Variants in CCDC102B observed in about 807,000 individuals in gnomAD.
The protein encoded by CCDC102B is coiled-coil domain containing 102B, also known as coiled-coil domain-containing protein 102B.
A neutral mutation model predicts 57.4 loss-of-function variants in CCDC102B; 75 were observed. The ratio of observed to expected loss-of-function variants is 1.31; its 90% CI spans 1.08 to 1.58. The LOEUF is 1.58. Ranked by LOEUF, CCDC102B falls within the 40% of genes most tolerant of loss-of-function variation. The pLI, the probability that CCDC102B is intolerant of heterozygous loss-of-function variation, is 0.00. For synonymous variants in CCDC102B, 206 were observed against 201.9 expected (o/e 1.02, Z -0.17); for missense variants, 636 against 582.6 (o/e 1.09, Z -0.94).
intron 6 of CCDC102B, among the ~76,000 whole-genome samples, chr18:68,965,843 A>G (rs2050153931): frequency 6.6e-6 from 1 of 152,032 alleles, no homozygotes; most frequent in African/African-American, 2.4e-5. Flanking sequence ...TAAAAGCTGG[A>G]TTTTTCTGAC....
intron 4 of CCDC102B, among the ~76,000 whole-genome samples, chr18:68,862,746 A>T (rs973644008): frequency 6.6e-6 from 1 of 152,124 alleles, no homozygotes; most frequent in South Asian, 2.1e-4. Flanking sequence ...CTACTCTCCA[A>T]GTATGCCTAT....
At chr18:68,994,222 A>G (rs1211774382) in intron 6 of CCDC102B, among the ~76,000 whole-genome samples, 1 of 152,120 alleles carries the variant, frequency 6.6e-6, no homozygotes, top group Admixed American at 6.5e-5. Context: ...AATTTCTTGA[A>G]TTTGTTGATA....
Position 69,054,852 on chromosome 18 carries a change from C to G in CCDC102B, c.*715C>G. The G allele has an allele frequency of 1.0e-6, 1 of 985,266 alleles. No homozygotes were observed. The highest frequency in any genetic ancestry group is 1.2e-6 in the Non-Finnish European group (1 of 829,890). The allele number at this position is 985,266 out of a possible 1,614,324, so 61.0% of individuals were successfully genotyped here. A position where few individuals can be genotyped will look rare whatever the true frequency, so the allele number is the denominator to read the frequency against. ...AGGCATCAGCATTGCAAAGTAGCAT[C>G]TAGGTAGAAATCAGGCCAAAATTAA... On this transcript the variant is annotated 3_prime_UTR_variant, in exon 8 of 8. Transcript: ENST00000360242.
chr18:68,998,762 G>A (rs998305889), intron 6 of CCDC102B, among the ~76,000 whole-genome samples: 1 of 151,726 alleles, frequency 6.6e-6, no homozygotes, highest in African/African-American at 2.4e-5. Flanking sequence ...GTCTTTCCAT[G>A]CTCCTCTGCC....
intron 2 of CCDC102B, among the ~76,000 whole-genome samples, chr18:68,785,879 T>G (rs1425179549): frequency 6.6e-6 from 1 of 150,530 alleles, no homozygotes; most frequent in Non-Finnish European, 1.5e-5. Flanking sequence ...TTGCTTTTGG[T>G]GTTTTAGACA....
intron 2 of CCDC102B, among the ~76,000 whole-genome samples, chr18:68,717,287 G>T (rs1170480736): frequency 6.6e-6 from 1 of 152,130 alleles, no homozygotes; most frequent in Non-Finnish European, 1.5e-5. Context: ...AATTAGAGAC[G>T]TTGTAATGAG....
intron 1 of CCDC102B, among the ~76,000 whole-genome samples, chr18:68,813,883 C>A (rs2036373738): frequency 6.6e-6 from 1 of 151,198 alleles, no homozygotes; most frequent in Non-Finnish European, 1.5e-5. Context: ...AGTATTTGGA[C>A]TAAAGTGGAT....
chr18:68,902,712 T>G (rs934569717), intron 6 of CCDC102B, among the ~76,000 whole-genome samples: 1 of 152,174 alleles, frequency 6.6e-6, no homozygotes, highest in Non-Finnish European at 1.5e-5. Flanking sequence ...TCTTCTCTGG[T>G]CTCATTTGTT....
At chr18:68,773,235 T>G (rs557580522) in intron 2 of CCDC102B, among the ~76,000 whole-genome samples, 1 of 152,092 alleles carries the variant, frequency 6.6e-6, no homozygotes, top group Non-Finnish European at 1.5e-5. Context: ...TGTCAACAGC[T>G]GTAAATAATT....
chr18:68,887,163 C>G (rs2039917883), intron 5 of CCDC102B, among the ~76,000 whole-genome samples: 1 of 152,094 alleles, frequency 6.6e-6, no homozygotes, highest in Admixed American at 6.6e-5. Flanking sequence ...TTATTTGACA[C>G]TATAACTGCT....
At chr18:68,878,349 C>T (rs1004504558) in intron 5 of CCDC102B, among the ~76,000 whole-genome samples, 4 of 152,162 alleles carry the variant, frequency 2.6e-5, no homozygotes, top group South Asian at 2.1e-4. Flanking sequence ...CCACTCACCT[C>T]GGCCTCCCAA....
intron 7 of CCDC102B, among the ~76,000 whole-genome samples, chr18:69,022,125 T>C (rs1360501238): frequency 1.3e-5 from 2 of 151,734 alleles, no homozygotes; most frequent in African/African-American, 4.9e-5. Context: ...ACTTAGACCA[T>C]GGTCTTTTGT....
intron 7 of CCDC102B, among the ~76,000 whole-genome samples, chr18:69,017,349 T>C (rs538163055): frequency 6.0e-4 from 92 of 152,148 alleles, no homozygotes; most frequent in African/African-American, 2.0e-3. Context: ...GGTCTTGAAC[T>C]CCTGAGCTCA....
At chr18:68,923,018 A>T (rs1487689314) in intron 6 of CCDC102B, among the ~76,000 whole-genome samples, 1 of 152,080 alleles carries the variant, frequency 6.6e-6, no homozygotes, top group African/African-American at 2.4e-5. Context: ...AATAAAAAAA[A>T]TTCAATATAT....
intron 6 of CCDC102B, among the ~76,000 whole-genome samples, chr18:68,965,988 G>C (rs2050156938): frequency 6.6e-6 from 1 of 152,068 alleles, no homozygotes; most frequent in Admixed American, 6.6e-5. Context: ...TGGAATTTCA[G>C]GATCCCCACT....
chr18:69,027,127 T>A lies in CCDC102B; in HGVS notation c.1434+16023T>A, dbSNP rs951354567. ...CATTCTGGCTAAGATTTAAAAATGG[T>A]CGTTTTCCACAGATGTCTGTTTTGA... On this transcript the variant is annotated intron_variant, in intron 7 of 7. Transcript: ENST00000360242. 4.6e-5 allele frequency among the ~76,000 whole-genome samples: 7 copies of A among 152,328 alleles called. No homozygotes were observed. The South Asian group carries it at 1.2e-3, about 27-fold the overall frequency.
At chr18:68,980,535 T>C (rs555017887) in intron 6 of CCDC102B, among the ~76,000 whole-genome samples, 38 of 152,076 alleles carry the variant, frequency 2.5e-4, no homozygotes, top group Admixed American at 1.6e-3. Context: ...TTTGTTTTAT[T>C]TTGCAAAACT....
At chr18:68,951,334 A>T (rs1568348650) in intron 6 of CCDC102B, among the ~76,000 whole-genome samples, 1 of 152,196 alleles carries the variant, frequency 6.6e-6, no homozygotes, top group Non-Finnish European at 1.5e-5. Context: ...TGGAGTAGTA[A>T]GCAGACTTCA....
In CCDC102B at chr18:68,888,550, C is replaced by T. The variant is rs2039967926; in HGVS notation, c.1054-8669C>T. On this transcript the variant is annotated intron_variant, in intron 5 of 7. Coordinates refer to ENST00000360242, the MANE Select transcript of CCDC102B (RefSeq NM_024781.3). ...TAGCAGTACTCCTGGTTTCTATCCA[C>T]CAGATGCCAGTAGTACTTCTTCAGA... Among the ~76,000 whole-genome samples the T allele has an allele frequency of 2.0e-5, 3 of 152,282 alleles. No homozygotes were observed. In the South Asian group the frequency reaches 6.2e-4, roughly 32 times the overall value.
Sources: gnomAD v4.1 joint callset for allele counts (sites outside exome capture counted in the v4.1 genomes callset) on GRCh38, gnomAD v4.1.1 for gene constraint, MANE v1.5 for transcripts, NCBI Gene and HGNC (gene_info 2026-07-23, HGNC 2026-07-21) for gene names.